Variants in UBL3 observed in about 807,000 individuals in gnomAD.
UBL3 encodes ubiquitin-like protein 3.
In UBL3, 6 loss-of-function variants were observed where a neutral mutation model predicts 18.4. That is an observed-to-expected ratio of 0.33 (90% CI 0.18 to 0.64). UBL3 has a LOEUF of 0.64. Ranked by LOEUF, UBL3 falls within the 30% of genes least tolerant of loss-of-function variation. The pLI is 0.76. For synonymous variants in UBL3, 49 were observed against 46.6 expected (o/e 1.05, Z -0.21); for missense variants, 109 against 142.9 (o/e 0.76, Z 1.21).
chr13:29,797,199 C>T (rs1029144856), intron 1 of UBL3, among the ~76,000 whole-genome samples: 2 of 151,904 alleles, frequency 1.3e-5, no homozygotes, highest in African/African-American at 4.8e-5. Context: ...GTCTTTGTCT[C>T]CCCAATGAAA....
At chr13:29,814,797 C>T (rs1371396043) in intron 1 of UBL3, among the ~76,000 whole-genome samples, 7 of 152,056 alleles carry the variant, frequency 4.6e-5, no homozygotes, top group African/African-American at 9.7e-5. Flanking sequence ...ATATTTTTAC[C>T]AGAATTAATT....
intron 1 of UBL3, among the ~76,000 whole-genome samples, chr13:29,838,282 T>G (rs901085593): frequency 2.6e-5 from 4 of 152,106 alleles, no homozygotes; most frequent in Non-Finnish European, 5.9e-5. Flanking sequence ...AAACAGGGAA[T>G]TCATTACCAG....
chr13:29,829,676 G>T (rs554346291), intron 1 of UBL3, among the ~76,000 whole-genome samples: 1 of 152,024 alleles, frequency 6.6e-6, no homozygotes, highest in South Asian at 2.1e-4. Flanking sequence ...GCTCACGCTC[G>T]GTGGGCTGCA....
At chr13:29,777,560 G>T (rs1877033663) in intron 1 of UBL3, 2 of 457,106 alleles carry the variant, frequency 4.4e-6, no homozygotes, top group Non-Finnish European at 8.5e-6. Context: ...GTTCAGAATT[G>T]AACTTTTGCA....
In UBL3 at chr13:29,834,006, T is replaced by C. The variant is rs1189423211; in HGVS notation, c.27+15506A>G. On this transcript the variant is annotated intron_variant, in intron 1 of 4. Transcript: ENST00000380680. ...TTCGAGACCAGCCTGGCCAACATGGTGAAACCCCGTCTGTACTAAGACTAC... is the reference window on the plus strand; with the variant it reads ...TTCGAGACCAGCCTGGCCAACATGGCGAAACCCCGTCTGTACTAAGACTAC... Among the ~76,000 whole-genome samples, 3 of 152,056 alleles carry C rather than the reference T, an allele frequency of 2.0e-5. No homozygotes were observed. The East Asian group carries it at 5.8e-4, about 29-fold the overall frequency.
intron 1 of UBL3, among the ~76,000 whole-genome samples, chr13:29,831,356 G>A (rs200058735): frequency 6.6e-5 from 10 of 152,046 alleles, no homozygotes; most frequent in Non-Finnish European, 7.4e-5. Context: ...TTGGGAGGCC[G>A]AGGTGGGTGG....
rs1877284564 is a variant in UBL3 at position 29,785,334 on chromosome 13, A to G, written c.28-8071T>C. Among the ~76,000 whole-genome samples, 3 of 147,352 alleles carry G rather than the reference A, an allele frequency of 2.0e-5. No homozygotes were observed. In the South Asian group the frequency reaches 6.6e-4, roughly 32 times the overall value. ...CTGAAAACTGCATGGTTAATTTATA[A>G]TTGTCTTAAAAAGATTTTTTTTAAG... On this transcript the variant is annotated intron_variant, in intron 1 of 4. Coordinates refer to ENST00000380680, the MANE Select transcript of UBL3 (RefSeq NM_007106.4).
intron 1 of UBL3, among the ~76,000 whole-genome samples, chr13:29,799,621 C>T (rs908114527): frequency 1.3e-5 from 2 of 152,058 alleles, no homozygotes; most frequent in African/African-American, 2.4e-5. Context: ...TTCTTCAAAG[C>T]GGTACCTTTG....
At chr13:29,802,026 C>G (rs1207912985) in intron 1 of UBL3, among the ~76,000 whole-genome samples, 1 of 152,132 alleles carries the variant, frequency 6.6e-6, no homozygotes, top group Non-Finnish European at 1.5e-5. Context: ...TTTGCAGCCA[C>G]CACTTAAGTG....
At chr13:29,767,721 G>C in intron 3 of UBL3, 26 bp from the exon 4 acceptor site, 1 of 1,595,304 alleles carries the variant, frequency 6.3e-7, no homozygotes, top group Non-Finnish European at 8.6e-7. Flanking sequence ...AAGATGATTA[G>C]TTACACATAT....
At chr13:29,832,440 C>G (rs1252710429) in intron 1 of UBL3, among the ~76,000 whole-genome samples, 1 of 151,800 alleles carries the variant, frequency 6.6e-6, no homozygotes, top group African/African-American at 2.4e-5. Flanking sequence ...TCACGCCATT[C>G]TCCTGCGTCA....
At chr13:29,835,379 A>T (rs1878935346) in intron 1 of UBL3, among the ~76,000 whole-genome samples, 2 of 151,116 alleles carry the variant, frequency 1.3e-5, no homozygotes, top group Non-Finnish European at 1.5e-5. Flanking sequence ...GAGGGTATAG[A>T]AGTATACTGA....
Position 29,850,492 on chromosome 13 carries a change from C to A in UBL3, c.-954G>T. On this transcript the variant is annotated 5_prime_UTR_variant, in exon 1 of 5. Coordinates refer to ENST00000380680, the MANE Select transcript of UBL3 (RefSeq NM_007106.4). ...CTCCTCAGCCCGGGAATGGTTTCCT[C>A]TCAGAGCTTTGTTTCTCCTCCTCCT... 6.5e-6 allele frequency: 1 copy of A among 152,972 alleles called. No homozygotes were observed. Among genetic ancestry groups the A allele is most frequent in the South Asian group, 2.0e-4 (1 of 5,034 alleles). 9.5% of individuals were successfully genotyped at this position (152,972 alleles called of 1,614,324 possible).
chr13:29,815,952 G>C (rs1878267089), intron 1 of UBL3, among the ~76,000 whole-genome samples: 1 of 152,044 alleles, frequency 6.6e-6, no homozygotes, highest in Admixed American at 6.6e-5. Flanking sequence ...ACCAGTTTCT[G>C]CATGGAGTCA....
At chr13:29,810,376 A>C (rs754695341) in intron 1 of UBL3, among the ~76,000 whole-genome samples, 3 of 152,120 alleles carry the variant, frequency 2.0e-5, no homozygotes, top group Admixed American at 6.6e-5. Flanking sequence ...GCACAGACTG[A>C]GCTCTGAAGA....
In UBL3 at chr13:29,848,367, G is replaced by C. The variant is rs575122362; in HGVS notation, c.27+1145C>G. Among the ~76,000 whole-genome samples the C allele has an allele frequency of 2.0e-5, 3 of 151,406 alleles. No individual in the cohort carries two copies. The South Asian group carries it at 6.3e-4, about 32-fold the overall frequency. On this transcript the variant is annotated intron_variant, in intron 1 of 4. Coordinates refer to ENST00000380680, the MANE Select transcript of UBL3 (RefSeq NM_007106.4). ...AGTTACTTGGGAGGCTGAGGCAGGA[G>C]AATCGCTTGAACCCAGGAGGCAGAG...
intron 1 of UBL3, among the ~76,000 whole-genome samples, chr13:29,831,175 G>A (rs1668433471): frequency 6.6e-6 from 1 of 151,974 alleles, no homozygotes; most frequent in Non-Finnish European, 1.5e-5. Context: ...TCAACTGAAT[G>A]CTCACAAAAA....
intron 1 of UBL3, among the ~76,000 whole-genome samples, chr13:29,780,618 G>A (rs1289471990): frequency 6.6e-6 from 1 of 151,668 alleles, no homozygotes; most frequent in Non-Finnish European, 1.5e-5. Context: ...GCTATAACAG[G>A]CTACGAAATA....
chr13:29,777,419 G>A, intron 1 of UBL3, 156 bp from the exon 2 acceptor site: 2 of 710,646 alleles, frequency 2.8e-6, no homozygotes, highest in Non-Finnish European at 5.0e-6. Context: ...TAAAAAGAAT[G>A]GGAATTTGAT....
Sources: gnomAD v4.1 joint callset for allele counts (sites outside exome capture counted in the v4.1 genomes callset) on GRCh38, gnomAD v4.1.1 for gene constraint, MANE v1.5 for transcripts, NCBI Gene and HGNC (gene_info 2026-07-23, HGNC 2026-07-21) for gene names.